Variants in ASIC2 observed in about 807,000 individuals in gnomAD.
The protein encoded by ASIC2 is acid-sensing ion channel 2.
A neutral mutation model predicts 57.3 loss-of-function variants in ASIC2; 25 were observed. That is an observed-to-expected ratio of 0.44 (90% CI 0.32 to 0.61). The LOEUF is 0.61. ASIC2 is among the 20% of genes least tolerant of loss of function. The probability of loss-of-function intolerance (pLI) is 0.06; values close to 1 mark genes in which losing one functional copy is unlikely to be tolerated. For missense variants in ASIC2, 641 were observed against 738.1 expected (o/e 0.87, Z 1.52); for synonymous variants, 319 against 307.5 (o/e 1.04, Z -0.39).
At position 33,889,613 on chromosome 17, in the gene ASIC2, T is replaced by G. The variant is rs60537174; in HGVS notation, c.555+266365A>C. On this transcript the variant is annotated intron_variant, in intron 1 of 9. Transcript: ENST00000359872. ...GCTTAGCTTCTCACCAAGATAATACTAACGTAAGTTGCAATTCCTTGCCTA... is the reference window on the plus strand; with the variant it reads ...GCTTAGCTTCTCACCAAGATAATACGAACGTAAGTTGCAATTCCTTGCCTA... 2.1e-3 allele frequency among the ~76,000 whole-genome samples: 314 copies of G among 152,332 alleles called. 2 individuals are homozygous for G. Among genetic ancestry groups the G allele is most frequent in the African/African-American group, 7.3e-3 (302 of 41,570 alleles).
At chr17:33,309,264 T>C (rs1265386229) in intron 1 of ASIC2, among the ~76,000 whole-genome samples, 1 of 152,090 alleles carries the variant, frequency 6.6e-6, no homozygotes, top group East Asian at 1.9e-4. Context: ...CAGACACACA[T>C]CTCTTTTTCT....
intron 1 of ASIC2, among the ~76,000 whole-genome samples, chr17:33,330,116 T>C (rs1907250807): frequency 6.6e-6 from 1 of 152,190 alleles, no homozygotes; most frequent in South Asian, 2.1e-4. Flanking sequence ...AGGGTAGTGA[T>C]GGTGGGATCA....
At chr17:33,445,042 GC>G (rs1405144438) in intron 1 of ASIC2, among the ~76,000 whole-genome samples, 1 of 152,124 alleles carries the variant, frequency 6.6e-6, no homozygotes, top group African/African-American at 2.4e-5. Flanking sequence ...TTACTAACTG[GC>G]CCTTTGCAGA....
intron 1 of ASIC2, among the ~76,000 whole-genome samples, chr17:33,928,889 G>A (rs906119586): frequency 1.3e-5 from 2 of 152,146 alleles, no homozygotes; most frequent in African/African-American, 2.4e-5. Context: ...TTAGGTAACC[G>A]AGGCTGCAAA....
rs199820903 is a variant in ASIC2, at chr17:33,464,469, TTCTTTCTTTTCTC to T, written c.556-352415_556-352403del. Among the ~76,000 whole-genome samples, 358 of 87,756 alleles carry T rather than the reference TTCTTTCTTTTCTC, an allele frequency of 4.1e-3. 13 individuals carry two copies. Among genetic ancestry groups the T allele is most frequent in the African/African-American group, 8.5e-3 (149 of 17,448 alleles). 57.6% of individuals were successfully genotyped at this position (87,756 alleles called of 152,430 possible). ...CATGCCTCTTTTTCTCTTTCTTTCT[TTCTTTCTTTTCTC>T]TCTTTCTTTCTTTCTTTCTTTCTTT... On this transcript the variant is annotated intron_variant, in intron 1 of 9. Coordinates refer to the ASIC2 transcript ENST00000359872.
At chr17:33,697,091 C>T (rs1908551769) in intron 1 of ASIC2, among the ~76,000 whole-genome samples, 1 of 152,138 alleles carries the variant, frequency 6.6e-6, no homozygotes, top group Non-Finnish European at 1.5e-5. Flanking sequence ...TACTCCTACT[C>T]CTGCTCTGGC....
chr17:33,773,371 G>T (rs1911172746), intron 1 of ASIC2, among the ~76,000 whole-genome samples: 1 of 152,074 alleles, frequency 6.6e-6, no homozygotes, highest in African/African-American at 2.4e-5. Context: ...ACCCCCAAAG[G>T]CAGGGAGACT....
At chr17:33,956,187 C>T (rs1016009978) in intron 1 of ASIC2, among the ~76,000 whole-genome samples, 3 of 152,152 alleles carry the variant, frequency 2.0e-5, no homozygotes, top group Admixed American at 6.5e-5. Context: ...GGGCAGTGAT[C>T]CAAGCAGGAG....
intron 1 of ASIC2, among the ~76,000 whole-genome samples, chr17:33,578,267 A>C (rs892658353): frequency 6.6e-6 from 1 of 152,196 alleles, no homozygotes; most frequent in African/African-American, 2.4e-5. Flanking sequence ...CTGGTCATTA[A>C]AAGCAAATGA....
intron 1 of ASIC2, among the ~76,000 whole-genome samples, chr17:33,525,827 C>G (rs1192275592): frequency 6.6e-6 from 1 of 152,206 alleles, no homozygotes; most frequent in Non-Finnish European, 1.5e-5. Context: ...TGGAGCCCAG[C>G]TCAAGACTCA....
In ASIC2 at chr17:33,783,246, T is replaced by A. The variant is rs183069434; in HGVS notation, c.555+372732A>T. Among the ~76,000 whole-genome samples the A allele has an allele frequency of 3.0e-4, 46 of 152,350 alleles. No homozygotes were observed. In the East Asian group the frequency reaches 7.0e-3, roughly 23 times the overall value. On this transcript the variant is annotated intron_variant, in intron 1 of 9. Coordinates refer to the ASIC2 transcript ENST00000359872. Reference sequence around the variant, plus strand: ...AGGCACTAACCATCTCCTTCACCGTTGTGGTTAATAGCTCATGCTCTGGAA... The same window carrying A: ...AGGCACTAACCATCTCCTTCACCGTAGTGGTTAATAGCTCATGCTCTGGAA...
intron 1 of ASIC2, among the ~76,000 whole-genome samples, chr17:33,715,106 CCTCTTGCCTCAG>C (rs1468469389): frequency 6.6e-6 from 1 of 151,846 alleles, no homozygotes; most frequent in Non-Finnish European, 1.5e-5. Flanking sequence ...CTCAAGTGAT[CCTCTTGCCTCAG>C]CCTCCTGAGT....
At chr17:33,154,611 G>A (rs2142033094) in intron 1 of ASIC2, among the ~76,000 whole-genome samples, 1 of 152,298 alleles carries the variant, frequency 6.6e-6, no homozygotes, top group Non-Finnish European at 1.5e-5. Context: ...GGCCTACTGA[G>A]TCCAATGCCT....
chr17:33,709,292 A>G (rs1235710063), intron 1 of ASIC2, among the ~76,000 whole-genome samples: 2 of 152,224 alleles, frequency 1.3e-5, no homozygotes, highest in Non-Finnish European at 2.9e-5. Context: ...CTCCCACAGA[A>G]GATATCCATG....
intron 3 of ASIC2, among the ~76,000 whole-genome samples, chr17:33,077,278 AC>A (rs1411060453): frequency 1.3e-5 from 2 of 151,894 alleles, no homozygotes; most frequent in Admixed American, 6.6e-5. Flanking sequence ...GGGAGTGATG[AC>A]TCTCATTTCA....
chr17:33,841,523 G>C (rs317385), intron 1 of ASIC2, among the ~76,000 whole-genome samples: 16,445 of 152,270 alleles, frequency 0.11, 1,479 homozygotes, highest in East Asian at 0.46. Flanking sequence ...GAACCACTGG[G>C]CTCTGTTTGA....
At chr17:33,186,646 A>G (rs1305741693) in intron 1 of ASIC2, among the ~76,000 whole-genome samples, 1 of 152,184 alleles carries the variant, frequency 6.6e-6, no homozygotes, top group East Asian at 1.9e-4. Context: ...TGGTGGTTCA[A>G]GAAGTTTTGC....
intron 1 of ASIC2, among the ~76,000 whole-genome samples, chr17:33,458,958 T>C (rs931049312): frequency 1.3e-5 from 2 of 152,146 alleles, no homozygotes; most frequent in African/African-American, 4.8e-5. Flanking sequence ...GATAATATTA[T>C]CAAGACTGAT....
At chr17:33,749,791 T>C (rs1236022508) in intron 1 of ASIC2, among the ~76,000 whole-genome samples, 1 of 152,150 alleles carries the variant, frequency 6.6e-6, no homozygotes, top group African/African-American at 2.4e-5. Flanking sequence ...GCCTGTTCTA[T>C]TTCTAAGTCC....
Sources: gnomAD v4.1 joint callset for allele counts (sites outside exome capture counted in the v4.1 genomes callset) on GRCh38, gnomAD v4.1.1 for gene constraint, MANE v1.5 for transcripts, NCBI Gene and HGNC (gene_info 2026-07-23, HGNC 2026-07-21) for gene names.